The following AKAP6 variants were observed in gnomAD, a reference collection of about 807,000 sequenced individuals.
AKAP6 encodes A-kinase anchor protein 6.
Under a neutral mutation model 188.5 loss-of-function variants are expected in AKAP6, and 58 were observed. That is an observed-to-expected ratio of 0.31 (90% CI 0.25 to 0.38). The LOEUF (loss-of-function observed/expected upper bound fraction) is 0.38, where lower values mean the gene tolerates loss of function less well. AKAP6 is among the 10% of genes least tolerant of loss of function. AKAP6 has a pLI of 1.00. For missense variants in AKAP6, 2,710 were observed against 2,740.0 expected, an observed-to-expected ratio of 0.99 and a Z score of 0.24; for synonymous variants, 989 against 998.6, an observed-to-expected ratio of 0.99 and a Z score of 0.18.
chr14:32,605,916 G>A (rs139223222), intron 7 of AKAP6, among the ~76,000 whole-genome samples: 80 of 152,202 alleles, frequency 5.3e-4, no homozygotes, highest in African/African-American at 1.8e-3. Flanking sequence ...ATATCTAGGG[G>A]GTATTTTTCT....
intron 12 of AKAP6, among the ~76,000 whole-genome samples, chr14:32,783,269 C>A (rs186778286): frequency 4.6e-5 from 7 of 151,674 alleles, no homozygotes; most frequent in Admixed American, 2.0e-4. Flanking sequence ...AAATAATTGA[C>A]CTAAATGTAA....
rs1879606503 is a variant in AKAP6 at position 32,485,089 on chromosome 14, T to C, written c.325-50465T>C. Among the ~76,000 whole-genome samples, 3 of 75,570 alleles carry C rather than the reference T, an allele frequency of 4.0e-5. 1 individual carries two copies. Among genetic ancestry groups the C allele is most frequent in the Non-Finnish European group, 4.4e-5 (2 of 45,776 alleles). The allele number at this position is 75,570 out of a possible 152,430, so 49.6% of individuals were successfully genotyped here. A position where few individuals can be genotyped will look rare whatever the true frequency, so the allele number is the denominator to read the frequency against. ...AAGTGGCTGATTTGCGTTCAGTTGA[T>C]GCAGAGTGGGGTTTTGCAGTCCTTA... On this transcript the variant is annotated intron_variant, in intron 2 of 13. Transcript: ENST00000280979.
At chr14:32,783,983 T>C (rs1156297154) in intron 12 of AKAP6, among the ~76,000 whole-genome samples, 1 of 152,186 alleles carries the variant, frequency 6.6e-6, no homozygotes, top group East Asian at 1.9e-4. Flanking sequence ...ATTTGGAAAT[T>C]AGGTGATTCT....
At chr14:32,401,763 T>C (rs1159234457) in intron 1 of AKAP6, among the ~76,000 whole-genome samples, 1 of 152,248 alleles carries the variant, frequency 6.6e-6, no homozygotes, top group East Asian at 1.9e-4. Context: ...CAAGTCAACA[T>C]TGATTTTATT....
chr14:32,466,754 A>AG (rs1878465734), intron 2 of AKAP6, among the ~76,000 whole-genome samples: 1 of 146,908 alleles, frequency 6.8e-6, no homozygotes, highest in Non-Finnish European at 1.5e-5. Context: ...AAAAAAAAAA[A>AG]GAGATATATT....
chr14:32,809,168 T>C (rs2034160767), intron 12 of AKAP6, among the ~76,000 whole-genome samples: 1 of 152,204 alleles, frequency 6.6e-6, no homozygotes, highest in Admixed American at 6.5e-5. Context: ...TTTTTATTCT[T>C]AGAAAGAAAG....
chr14:32,805,256 C>T (rs905533581), intron 12 of AKAP6, among the ~76,000 whole-genome samples: 3 of 152,156 alleles, frequency 2.0e-5, no homozygotes, highest in Non-Finnish European at 4.4e-5. Flanking sequence ...CCTGACTTCC[C>T]GCAACATTGA....
intron 12 of AKAP6, among the ~76,000 whole-genome samples, chr14:32,796,610 A>C (rs901882175): frequency 2.0e-5 from 3 of 152,228 alleles, no homozygotes; most frequent in African/African-American, 7.2e-5. Flanking sequence ...CCTCTTTTTT[A>C]TACCATCTAC....
At chr14:32,801,464 A>G (rs1450880479) in intron 12 of AKAP6, among the ~76,000 whole-genome samples, 1 of 152,204 alleles carries the variant, frequency 6.6e-6, no homozygotes, top group Admixed American at 6.5e-5. Flanking sequence ...CATTGCTGTC[A>G]TCACTTTATT....
intron 7 of AKAP6, among the ~76,000 whole-genome samples, chr14:32,671,757 G>C (rs569272158): frequency 6.7e-6 from 1 of 149,334 alleles, no homozygotes; most frequent in East Asian, 2.0e-4. Context: ...TGAGAACTAC[G>C]AAGTCTAGTA....
chr14:32,796,800 G>A (rs2033780771), intron 12 of AKAP6, among the ~76,000 whole-genome samples: 1 of 152,110 alleles, frequency 6.6e-6, no homozygotes, highest in Admixed American at 6.6e-5. Flanking sequence ...TTCACACATG[G>A]GATCTAATTA....
intron 2 of AKAP6, among the ~76,000 whole-genome samples, chr14:32,525,298 T>A (rs183059276): frequency 2.0e-5 from 3 of 152,352 alleles, no homozygotes; most frequent in Non-Finnish European, 2.9e-5. Flanking sequence ...TGGTATTAGG[T>A]ATTTAAAGTG....
intron 1 of AKAP6, among the ~76,000 whole-genome samples, chr14:32,363,389 T>G (rs1887727021): frequency 6.6e-6 from 1 of 152,192 alleles, no homozygotes; most frequent in Admixed American, 6.5e-5. Flanking sequence ...TTGACTCACA[T>G]GATCACAAGG....
At chr14:32,809,756 A>G (rs1030774721) in intron 12 of AKAP6, among the ~76,000 whole-genome samples, 1 of 152,200 alleles carries the variant, frequency 6.6e-6, no homozygotes, top group East Asian at 1.9e-4. Flanking sequence ...TCAGCTTAGG[A>G]TGGAAACTAT....
chr14:32,498,389 T>G (rs776563003), intron 2 of AKAP6, among the ~76,000 whole-genome samples: 1 of 152,128 alleles, frequency 6.6e-6, no homozygotes, highest in Non-Finnish European at 1.5e-5. Flanking sequence ...ATAGATACCT[T>G]AAAAATTAAA....
At chr14:32,599,944 A>G (rs1041112019) in intron 6 of AKAP6, among the ~76,000 whole-genome samples, 3 of 152,214 alleles carry the variant, frequency 2.0e-5, no homozygotes, top group African/African-American at 7.2e-5. Flanking sequence ...ACACAAGAAC[A>G]TTTTGCATGT....
chr14:32,691,315 C>G (rs1386123574), intron 8 of AKAP6, among the ~76,000 whole-genome samples: 2 of 152,110 alleles, frequency 1.3e-5, no homozygotes, highest in African/African-American at 2.4e-5. Context: ...TCTCCCCTAC[C>G]CTTGATAAAT....
At chr14:32,446,519 A>G (rs1237595302) in intron 2 of AKAP6, among the ~76,000 whole-genome samples, 1 of 151,928 alleles carries the variant, frequency 6.6e-6, no homozygotes. Flanking sequence ...AAAAAAATTT[A>G]TTTTTACTAT....
chr14:32,676,183 A>G (rs1889417357), intron 7 of AKAP6, among the ~76,000 whole-genome samples: 1 of 152,194 alleles, frequency 6.6e-6, no homozygotes, highest in African/African-American at 2.4e-5. Context: ...TTGCAGTGGA[A>G]GTAAAGGGGT....
Sources: allele counts gnomAD v4.1 joint callset (sites outside exome capture counted in the v4.1 genomes callset), GRCh38; gene constraint gnomAD v4.1.1; transcripts MANE v1.5; gene names NCBI Gene and HGNC (gene_info 2026-07-23, HGNC 2026-07-21).